SUSD1: variants seen among roughly 807,000 people sequenced by gnomAD.
SUSD1 encodes sushi domain-containing protein 1.
Under a neutral mutation model 86.9 loss-of-function variants are expected in SUSD1, and 65 were observed. That is an observed-to-expected ratio of 0.75 (90% confidence interval 0.61 to 0.92). The LOEUF (loss-of-function observed/expected upper bound fraction) is 0.92. SUSD1 is among the 40% of genes least tolerant of loss of function. SUSD1 has a pLI of 0.00. For synonymous variants in SUSD1, 346 were observed against 350.0 expected, an observed-to-expected ratio of 0.99 and a Z score of 0.13; for missense variants, 850 against 929.7, an observed-to-expected ratio of 0.91 and a Z score of 1.11.
intron 10 of SUSD1, among the ~76,000 whole-genome samples, chr9:112,091,186 T>C (rs1296445297): frequency 6.6e-6 from 1 of 152,048 alleles, no homozygotes; most frequent in Non-Finnish European, 1.5e-5. Context: ...TAATGGTTTG[T>C]AAGAAAAGAA....
At chr9:112,161,633 G>A (rs987731912) in intron 1 of SUSD1, among the ~76,000 whole-genome samples, 16 of 151,984 alleles carry the variant, frequency 1.1e-4, no homozygotes, top group African/African-American at 3.1e-4. Flanking sequence ...GACCAGCCTG[G>A]TCAACATGGT....
At chr9:112,173,491 C>T (rs1158724399) in intron 1 of SUSD1, 1 of 206,626 alleles carries the variant, frequency 4.8e-6, no homozygotes, top group Non-Finnish European at 1.0e-5. Flanking sequence ...GGGGACAATC[C>T]TTCTGTCCTC....
chr9:112,095,956 A>T (rs893190630), intron 10 of SUSD1, among the ~76,000 whole-genome samples: 1 of 152,208 alleles, frequency 6.6e-6, no homozygotes, highest in Non-Finnish European at 1.5e-5. Context: ...TGGAACGGGC[A>T]TCAAGAAAGA....
rs182217043 is a variant in SUSD1, at chr9:112,123,354, A to C, written c.886+903T>G. 3.1e-3 allele frequency among the ~76,000 whole-genome samples: 477 copies of C among 152,228 alleles called. 1 individual carries two copies. Among genetic ancestry groups the C allele is most frequent in the African/African-American group, 0.011 (457 of 41,530 alleles). Reference sequence around the variant, plus strand: ...CCTTTTAACAATCAGCTCTCATGTGAACTAAGAGCAAGAACTCATCACCAA... The same window carrying C: ...CCTTTTAACAATCAGCTCTCATGTGCACTAAGAGCAAGAACTCATCACCAA... On this transcript the variant is annotated intron_variant, in intron 6 of 16. Transcript: ENST00000374270.
chr9:112,042,823 C>T (rs1336964296), intron 15 of SUSD1, among the ~76,000 whole-genome samples: 1 of 152,160 alleles, frequency 6.6e-6, no homozygotes, highest in East Asian at 1.9e-4. Context: ...GTCTTTACAG[C>T]CAGGTTAAGA....
chr9:112,051,073 G>A lies in SUSD1; in HGVS notation c.2149+1326C>T, dbSNP rs1439944985. Among the ~76,000 whole-genome samples the A allele has an allele frequency of 4.6e-5, 7 of 152,202 alleles. No individual in the cohort carries two copies. The East Asian group carries it at 1.2e-3, about 25-fold the overall frequency. On this transcript the variant is annotated intron_variant, in intron 15 of 16. Coordinates refer to ENST00000374270, the MANE Select transcript of SUSD1 (RefSeq NM_022486.5). ...TGCTTGCTTGTCCTGCCCAGCAAGA[G>A]GTGATCACTGCTACAGGGCCCCCTG...
intron 1 of SUSD1, among the ~76,000 whole-genome samples, chr9:112,158,478 C>T (rs1833432912): frequency 6.6e-6 from 1 of 151,974 alleles, no homozygotes; most frequent in African/African-American, 2.4e-5. Context: ...GCAGCCTTGA[C>T]CTCCCGGGCT....
chr9:112,090,176 AT>A (rs1250687876), intron 10 of SUSD1, among the ~76,000 whole-genome samples: 3 of 152,258 alleles, frequency 2.0e-5, no homozygotes, highest in African/African-American at 7.2e-5. Flanking sequence ...GGGAGAAATG[AT>A]CACTGAGACA....
intron 6 of SUSD1, among the ~76,000 whole-genome samples, chr9:112,121,573 A>G (rs1235703017): frequency 6.6e-6 from 1 of 152,216 alleles, no homozygotes; most frequent in Non-Finnish European, 1.5e-5. Context: ...TCCCATCCCC[A>G]ACATCGTTAT....
intron 10 of SUSD1, among the ~76,000 whole-genome samples, chr9:112,082,527 G>A (rs557868085): frequency 6.6e-6 from 1 of 152,282 alleles, no homozygotes; most frequent in African/African-American, 2.4e-5. Context: ...GGCGGATGGA[G>A]CCACAAGCCA....
intron 11 of SUSD1, 42 bp downstream of exon 11, chr9:112,080,032 T>A (rs1829697361): frequency 6.9e-7 from 1 of 1,453,276 alleles, no homozygotes; most frequent in Non-Finnish European, 9.7e-7. Context: ...GCCTCCCACA[T>A]AAGACAACCA....
At chr9:112,058,708 G>A in intron 13 of SUSD1, 22 bp from the exon 14 acceptor site, 4 of 1,612,632 alleles carry the variant, frequency 2.5e-6, no homozygotes, top group Admixed American at 3.3e-5. Context: ...AAGGAGAAGT[G>A]TCCATCAGAC....
At chr9:112,046,254 T>A (rs1335150824) in intron 15 of SUSD1, among the ~76,000 whole-genome samples, 1 of 152,234 alleles carries the variant, frequency 6.6e-6, no homozygotes, top group African/African-American at 2.4e-5. Flanking sequence ...CTGGCAAATT[T>A]GAATTGTATT....
At chr9:112,042,995 C>G (rs1438067588) in intron 15 of SUSD1, among the ~76,000 whole-genome samples, 1 of 152,210 alleles carries the variant, frequency 6.6e-6, no homozygotes, top group Non-Finnish European at 1.5e-5. Flanking sequence ...CTGACTGACT[C>G]CATCTTGCTT....
intron 12 of SUSD1, among the ~76,000 whole-genome samples, chr9:112,065,575 A>G (rs1828941910): frequency 1.3e-5 from 2 of 152,194 alleles, no homozygotes; most frequent in African/African-American, 4.8e-5. Flanking sequence ...CAAACACATC[A>G]GCTCCAATAA....
intron 10 of SUSD1, among the ~76,000 whole-genome samples, chr9:112,090,478 TA>T (rs1364429051): frequency 1.3e-5 from 2 of 152,116 alleles, no homozygotes; most frequent in Non-Finnish European, 2.9e-5. Context: ...TCCCAGGGCA[TA>T]AATAATGAAG....
At chr9:112,102,617 G>C (rs947364675) in intron 8 of SUSD1, among the ~76,000 whole-genome samples, 3 of 152,214 alleles carry the variant, frequency 2.0e-5, no homozygotes, top group African/African-American at 7.2e-5. Flanking sequence ...TTTTTAGAAA[G>C]TTAATCCTAT....
At chr9:112,084,106 A>G (rs545750715) in intron 10 of SUSD1, among the ~76,000 whole-genome samples, 28 of 152,344 alleles carry the variant, frequency 1.8e-4, no homozygotes, top group African/African-American at 6.5e-4. Flanking sequence ...GACTGACTGT[A>G]TAACAATTGT....
chr9:112,152,665 G>A (rs541573163), intron 2 of SUSD1, among the ~76,000 whole-genome samples: 8 of 146,612 alleles, frequency 5.5e-5, no homozygotes, highest in East Asian at 2.0e-4. Context: ...GTGCCTCCAC[G>A]TCCCAAAGTG....
Sources: gnomAD v4.1 joint callset for allele counts (sites outside exome capture counted in the v4.1 genomes callset) on GRCh38, gnomAD v4.1.1 for gene constraint, MANE v1.5 for transcripts, NCBI Gene and HGNC (gene_info 2026-07-23, HGNC 2026-07-21) for gene names.